STAU2: variants seen among roughly 807,000 people sequenced by gnomAD.
STAU2 encodes the protein double-stranded RNA-binding protein Staufen homolog 2.
Under a neutral mutation model 65.9 loss-of-function variants are expected in STAU2, and 20 were observed. The observed-to-expected ratio is 0.30, with a 90% CI of 0.21 to 0.44. The LOEUF (loss-of-function observed/expected upper bound fraction) is 0.44. Ranked by LOEUF, STAU2 falls within the 20% of genes least tolerant of loss-of-function variation. The pLI, the probability that STAU2 is intolerant of heterozygous loss-of-function variation, is 1.00. For synonymous variants in STAU2, 232 were observed against 233.9 expected, an observed-to-expected ratio of 0.99 and a Z score of 0.07; for missense variants, 558 against 683.9, an observed-to-expected ratio of 0.82 and a Z score of 2.05.
Position 73,717,383 on chromosome 8 carries a change from G to A in STAU2, c.-17-8221C>T, listed in dbSNP as rs144574475. The stretch of plus-strand genomic sequence containing the variant: ...ATTTTTTTCTCCTGTTTTCTTCCAC[G>A]AACATTATAGTTTTAGGTTTTACAT... On this transcript the variant is annotated intron_variant, in intron 3 of 14. Transcript: ENST00000524300. Among the ~76,000 whole-genome samples, 232 of 151,984 alleles carry A rather than the reference G, an allele frequency of 1.5e-3. 2 individuals are homozygous for A. The highest frequency in any genetic ancestry group is 5.2e-3 in the African/African-American group (217 of 41,418).
intron 6 of STAU2, among the ~76,000 whole-genome samples, chr8:73,646,142 T>G (rs1424626651): frequency 2.0e-5 from 3 of 152,166 alleles, no homozygotes; most frequent in Non-Finnish European, 4.4e-5. Context: ...ATTAGCAAGT[T>G]TATAGGACAC....
At chr8:73,463,000 C>T (rs1286695991) in intron 13 of STAU2, among the ~76,000 whole-genome samples, 1 of 152,192 alleles carries the variant, frequency 6.6e-6, no homozygotes, top group Admixed American at 6.5e-5. Flanking sequence ...GGGAAAGCCC[C>T]TTCTTCTTCC....
intron 9 of STAU2, among the ~76,000 whole-genome samples, chr8:73,604,947 T>C (rs1811902464): frequency 2.0e-5 from 3 of 152,036 alleles, no homozygotes; most frequent in Admixed American, 1.3e-4. Context: ...CCATGCACAG[T>C]AGCTCATATG....
intron 12 of STAU2, among the ~76,000 whole-genome samples, chr8:73,553,649 C>T (rs1807504467): frequency 6.6e-6 from 1 of 151,960 alleles, no homozygotes; most frequent in Admixed American, 6.6e-5. Flanking sequence ...TAGCCCAACT[C>T]TCCTCTGACT....
intron 10 of STAU2, among the ~76,000 whole-genome samples, chr8:73,602,256 C>CT (rs1455593002): frequency 1.3e-5 from 2 of 152,182 alleles, no homozygotes; most frequent in African/African-American, 4.8e-5. Context: ...CACAACTTAG[C>CT]TATACACTTA....
At chr8:73,468,435 A>C (rs1245160324) in intron 13 of STAU2, among the ~76,000 whole-genome samples, 1 of 152,228 alleles carries the variant, frequency 6.6e-6, no homozygotes, top group Non-Finnish European at 1.5e-5. Context: ...CGATGGCAAC[A>C]AAAGCCAAAA....
intron 13 of STAU2, among the ~76,000 whole-genome samples, chr8:73,541,600 A>G (rs1156732018): frequency 1.3e-5 from 2 of 152,218 alleles, no homozygotes; most frequent in African/African-American, 2.4e-5. Context: ...TAAGGCAGTC[A>G]ACAGAAATTG....
At chr8:73,672,897 A>AG (rs1359204315) in intron 6 of STAU2, 92 of 244,200 alleles carry the variant, frequency 3.8e-4, no homozygotes, top group South Asian at 3.1e-3. Flanking sequence ...TTTGTGGGGT[A>AG]GGGGAAAAAA....
At chr8:73,734,710 C>T (rs1806308474) in intron 3 of STAU2, among the ~76,000 whole-genome samples, 1 of 152,012 alleles carries the variant, frequency 6.6e-6, no homozygotes, top group Non-Finnish European at 1.5e-5. Context: ...AGAAGAATTG[C>T]TTGAATTCGG....
intron 13 of STAU2, among the ~76,000 whole-genome samples, chr8:73,474,212 T>C (rs1040045944): frequency 1.3e-5 from 2 of 152,192 alleles, no homozygotes; most frequent in African/African-American, 4.8e-5. Flanking sequence ...CTGAAAATGG[T>C]TAGGCCTTTA....
intron 13 of STAU2, among the ~76,000 whole-genome samples, chr8:73,473,645 A>C (rs950246373): frequency 6.6e-6 from 1 of 151,716 alleles, no homozygotes; most frequent in African/African-American, 2.4e-5. Flanking sequence ...TTGGCCTGGA[A>C]GGAGAGAGAA....
chr8:73,675,776 C>T (rs745646250), intron 5 of STAU2, among the ~76,000 whole-genome samples: 1 of 152,198 alleles, frequency 6.6e-6, no homozygotes, highest in Non-Finnish European at 1.5e-5. Flanking sequence ...GTACATGTAA[C>T]ACATGGTCTT....
intron 12 of STAU2, among the ~76,000 whole-genome samples, chr8:73,575,809 A>G (rs1391696242): frequency 4.5e-5 from 1 of 22,104 alleles, no homozygotes; most frequent in Non-Finnish European, 7.6e-5. Context: ...AAATTCTGGG[A>G]CAATACACAC....
intron 3 of STAU2, among the ~76,000 whole-genome samples, chr8:73,729,557 T>C (rs983182549): frequency 4.6e-5 from 7 of 152,108 alleles, no homozygotes; most frequent in African/African-American, 1.7e-4. Flanking sequence ...AGAGAAGCAA[T>C]ATGGTACTGG....
rs17312948 is a variant in STAU2, at chr8:73,593,207, C to T, written c.1161+1959G>A. 6.7e-3 allele frequency among the ~76,000 whole-genome samples: 1,024 copies of T among 152,290 alleles called. 14 individuals are homozygous for T. The highest frequency in any genetic ancestry group is 0.041 in the South Asian group (200 of 4,826). On this transcript the variant is annotated intron_variant, in intron 11 of 14. Coordinates refer to ENST00000524300, the MANE Select transcript of STAU2 (RefSeq NM_001164380.2). ...GGTTGCCTCCTGACTGGCCTTTCTG[C>T]CTTTGGTTTCACTCTGCTCAAATCC... is the stretch of plus-strand genomic sequence containing the variant.
intron 3 of STAU2, among the ~76,000 whole-genome samples, chr8:73,713,171 A>T (rs939771450): frequency 6.6e-6 from 1 of 152,256 alleles, no homozygotes; most frequent in Non-Finnish European, 1.5e-5. Context: ...TAAAATACAT[A>T]TTTATAATAA....
chr8:73,744,284 C>T (rs1807118218), intron 1 of STAU2, among the ~76,000 whole-genome samples: 1 of 151,756 alleles, frequency 6.6e-6, no homozygotes, highest in African/African-American at 2.4e-5. Context: ...ATTTTGTGTA[C>T]CTATAAGAGG....
chr8:73,577,350 C>T (rs1054867885), intron 12 of STAU2, among the ~76,000 whole-genome samples: 2 of 151,542 alleles, frequency 1.3e-5, no homozygotes, highest in Non-Finnish European at 2.9e-5. Context: ...GGGCATGAAC[C>T]CGGGAGGCGA....
At chr8:73,707,621 A>G (rs1820603458) in intron 4 of STAU2, among the ~76,000 whole-genome samples, 5 of 152,194 alleles carry the variant, frequency 3.3e-5, no homozygotes, top group Admixed American at 3.3e-4. Context: ...GTGTCTGCTA[A>G]TATGAAACTC....
Sources: allele counts gnomAD v4.1 joint callset (sites outside exome capture counted in the v4.1 genomes callset), GRCh38; gene constraint gnomAD v4.1.1; transcripts MANE v1.5; gene names NCBI Gene and HGNC (gene_info 2026-07-23, HGNC 2026-07-21).